MAP4K3: variants seen among roughly 807,000 people sequenced by gnomAD.
The protein encoded by MAP4K3 is mitogen-activated protein kinase kinase kinase kinase 3, also known as MAPK/ERK kinase kinase kinase 3.
A neutral mutation model predicts 143.5 loss-of-function variants in MAP4K3; 94 were observed. The ratio of observed to expected loss-of-function variants is 0.65; its 90% CI spans 0.55 to 0.78. The LOEUF (loss-of-function observed/expected upper bound fraction) is 0.78. Ranked by LOEUF, MAP4K3 falls within the 30% of genes least tolerant of loss-of-function variation. MAP4K3 has a pLI of 0.00. For synonymous variants in MAP4K3, 416 were observed against 347.2 expected (o/e 1.20, Z -2.20); for missense variants, 1,077 against 1,068.1 (o/e 1.01, Z -0.12).
At chr2:39,326,762 G>A (rs1683503265) in intron 8 of MAP4K3, among the ~76,000 whole-genome samples, 1 of 152,090 alleles carries the variant, frequency 6.6e-6, no homozygotes, top group Admixed American at 6.6e-5. Flanking sequence ...CATTGGGTCA[G>A]TTTCCCCTAT....
At chr2:39,319,006 T>C (rs1313256809) in intron 12 of MAP4K3, among the ~76,000 whole-genome samples, 1 of 152,012 alleles carries the variant, frequency 6.6e-6, no homozygotes, top group Non-Finnish European at 1.5e-5. Flanking sequence ...CAACTTGGGA[T>C]TAAAGGGTGT....
intron 1 of MAP4K3, among the ~76,000 whole-genome samples, chr2:39,414,804 G>C (rs1354115728): frequency 6.6e-6 from 1 of 151,956 alleles, no homozygotes; most frequent in Non-Finnish European, 1.5e-5. Flanking sequence ...TTGAACCTGG[G>C]AGTCAGAGGT....
intron 16 of MAP4K3, among the ~76,000 whole-genome samples, chr2:39,296,130 A>G (rs1246634342): frequency 3.3e-5 from 5 of 152,232 alleles, no homozygotes; most frequent in Admixed American, 6.5e-5. Flanking sequence ...TCAGGGATTC[A>G]TATGTATATT....
At chr2:39,427,966 C>A (rs1257039665) in intron 1 of MAP4K3, among the ~76,000 whole-genome samples, 2 of 152,206 alleles carry the variant, frequency 1.3e-5, no homozygotes, top group African/African-American at 2.4e-5. Context: ...CATATTTACT[C>A]TTTTGGTATG....
rs192322964 is a variant in MAP4K3, at chr2:39,333,951, T to C, written c.415-377A>G. Among the ~76,000 whole-genome samples, 62 of 144,990 alleles carry C rather than the reference T, an allele frequency of 4.3e-4. 1 individual carries two copies. In the East Asian group the frequency reaches 6.4e-3, roughly 15 times the overall value. ...CATTACACTTTAAACTTGATTATTG[T>C]TTCCCATTTTTGTGTGTGTGTGTGT... On this transcript the variant is annotated intron_variant, in intron 6 of 33. Coordinates refer to ENST00000263881, the MANE Select transcript of MAP4K3 (RefSeq NM_003618.4).
At chr2:39,266,631 G>A (rs2148447422) in intron 27 of MAP4K3, among the ~76,000 whole-genome samples, 1 of 152,172 alleles carries the variant, frequency 6.6e-6, no homozygotes, top group South Asian at 2.1e-4. Context: ...TATGTTTAGA[G>A]TCCTTTCCAC....
chr2:39,275,521 T>C (rs1330613944), intron 24 of MAP4K3, among the ~76,000 whole-genome samples: 1 of 152,176 alleles, frequency 6.6e-6, no homozygotes, highest in South Asian at 2.1e-4. Context: ...TCAAATTAGG[T>C]TGATAAATGC....
intron 3 of MAP4K3, among the ~76,000 whole-genome samples, chr2:39,354,257 C>G (rs1403698652): frequency 2.0e-5 from 3 of 152,056 alleles, no homozygotes; most frequent in African/African-American, 7.2e-5. Flanking sequence ...TCCTGGCTAA[C>G]ACTGTGAAAC....
intron 4 of MAP4K3, among the ~76,000 whole-genome samples, chr2:39,338,521 T>A (rs1389701719): frequency 2.6e-5 from 4 of 152,224 alleles, no homozygotes; most frequent in Non-Finnish European, 5.9e-5. Flanking sequence ...TTTTATAAAC[T>A]ATTTGTATCT....
intron 1 of MAP4K3, among the ~76,000 whole-genome samples, chr2:39,432,264 A>G (rs889165110): frequency 7.2e-5 from 11 of 152,248 alleles, no homozygotes; most frequent in Non-Finnish European, 1.0e-4. Flanking sequence ...ATAAATACAT[A>G]TACAGATCAA....
chr2:39,335,922 C>CCT (rs1450985105), intron 6 of MAP4K3, among the ~76,000 whole-genome samples: 1 of 152,018 alleles, frequency 6.6e-6, no homozygotes, highest in African/African-American at 2.4e-5. Context: ...TTTGCCCCAG[C>CCT]CTCTATCCTC....
At chr2:39,308,245 A>C (rs1244523314) in intron 14 of MAP4K3, among the ~76,000 whole-genome samples, 1 of 152,232 alleles carries the variant, frequency 6.6e-6, no homozygotes, top group Non-Finnish European at 1.5e-5. Context: ...TTACAAAGGG[A>C]AACAAAAAAT....
intron 15 of MAP4K3, 192 bp from the exon 16 acceptor site, chr2:39,299,993 G>T (rs886362889): frequency 3.0e-6 from 1 of 336,838 alleles, no homozygotes; most frequent in Non-Finnish European, 5.5e-6. Context: ...TTATTTGAGT[G>T]TTTTTCTTGG....
intron 2 of MAP4K3, among the ~76,000 whole-genome samples, chr2:39,357,272 G>C (rs528948765): frequency 1.3e-5 from 2 of 152,340 alleles, no homozygotes; most frequent in East Asian, 1.9e-4. Flanking sequence ...ACAAATGGAA[G>C]TGCTTACTCT....
intron 2 of MAP4K3, among the ~76,000 whole-genome samples, chr2:39,371,515 C>G (rs1666081009): frequency 6.6e-6 from 1 of 152,112 alleles, no homozygotes; most frequent in African/African-American, 2.4e-5. Flanking sequence ...CTGATATACA[C>G]AATGCTCCAA....
chr2:39,281,672 G>T lies in MAP4K3; in HGVS notation c.1629+841C>A, dbSNP rs934515716. On this transcript the variant is annotated intron_variant, in intron 22 of 33. Coordinates refer to ENST00000263881, the MANE Select transcript of MAP4K3 (RefSeq NM_003618.4). The stretch of plus-strand genomic sequence containing the variant: ...TTCCCTGTCAAACTGCAAGCCTGAG[G>T]TAAGTGTTTTATCTTACAGTCAAGT... Among the ~76,000 whole-genome samples the T allele has an allele frequency of 3.9e-5, 6 of 152,072 alleles. No homozygotes were observed. In the East Asian group the frequency reaches 1.2e-3, roughly 29 times the overall value.
intron 3 of MAP4K3, among the ~76,000 whole-genome samples, chr2:39,349,035 T>TACGG (rs1431149985): frequency 3.3e-5 from 5 of 152,212 alleles, no homozygotes; most frequent in African/African-American, 1.2e-4. Context: ...GAAGTTGGCA[T>TACGG]ACGGAGTCTT....
intron 2 of MAP4K3, among the ~76,000 whole-genome samples, chr2:39,375,240 C>G (rs1666186407): frequency 6.6e-6 from 1 of 152,108 alleles, no homozygotes; most frequent in Admixed American, 6.6e-5. Context: ...GCCTGGGCTA[C>G]AGTGACACTG....
At position 39,277,696 on chromosome 2, in the gene MAP4K3, T is replaced by C. The variant is rs143963912; in HGVS notation, c.1794+711A>G. 3.2e-3 allele frequency among the ~76,000 whole-genome samples: 489 copies of C among 152,064 alleles called. 2 individuals are homozygous for C. Among genetic ancestry groups the C allele is most frequent in the African/African-American group, 0.011 (471 of 41,532 alleles). On this transcript the variant is annotated intron_variant, in intron 24 of 33. Coordinates refer to ENST00000263881, the MANE Select transcript of MAP4K3 (RefSeq NM_003618.4). Reference sequence around the variant, plus strand: ...TCTCCTGTCTCAGCCTTCGAAGCAGTTGGGATTATAGGCACAGGCCACCAT... The same window carrying C: ...TCTCCTGTCTCAGCCTTCGAAGCAGCTGGGATTATAGGCACAGGCCACCAT...
Sources: allele counts gnomAD v4.1 joint callset (sites outside exome capture counted in the v4.1 genomes callset), GRCh38; gene constraint gnomAD v4.1.1; transcripts MANE v1.5; gene names NCBI Gene and HGNC (gene_info 2026-07-23, HGNC 2026-07-21).